PRIM2: variants seen among roughly 807,000 people sequenced by gnomAD.
PRIM2 encodes the protein DNA primase large subunit.
PRIM2 carries 39 observed loss-of-function variants against 67.3 expected under a neutral mutation model. The observed-to-expected ratio is 0.58, with a 90% confidence interval of 0.45 to 0.76. The LOEUF is 0.76. Ranked by LOEUF, PRIM2 falls within the 30% of genes least tolerant of loss-of-function variation. The probability of loss-of-function intolerance (pLI) is 0.00; values close to 1 mark genes in which losing one functional copy is unlikely to be tolerated. For synonymous variants in PRIM2, 143 were observed against 198.7 expected (o/e 0.72, Z 2.36); for missense variants, 398 against 598.7 (o/e 0.66, Z 3.50).
At position 57,646,031 on chromosome 6, in the gene PRIM2, C is replaced by A; in HGVS notation, c.1403C>A (p.Pro468Gln). Residue 468 changes from proline to glutamine, a missense_variant, in exon 14 of 14, where the codon CCA (proline) becomes CAA (glutamine). By Grantham distance (76) the Pro-to-Gln change is moderately conservative. Coordinates refer to ENST00000615550, the MANE Select transcript of PRIM2 (RefSeq NM_000947.5). ...GACATAAAGAAGGAACCTATCCAAC[C>A]AGAAACTCCTCAACCCAAACCAAGT... Reference protein sequence around the residue: ...GKDIKKEPIQPETPQPKPSVQ... With the variant: ...GKDIKKEPIQQETPQPKPSVQ... 6.2e-7 allele frequency: 1 copy of A among 1,603,844 alleles called. No individual in the cohort carries two copies. The highest frequency in any genetic ancestry group is 2.2e-5 in the East Asian group (1 of 44,812).
At chr6:57,541,305 T>C (rs1355359267) in intron 10 of PRIM2, among the ~76,000 whole-genome samples, 1 of 152,150 alleles carries the variant, frequency 6.6e-6, no homozygotes, top group East Asian at 1.9e-4. Flanking sequence ...GCTAGGCTGG[T>C]CTTGAACTCC....
chr6:57,352,316 C>T (rs1224508176), intron 5 of PRIM2, among the ~76,000 whole-genome samples: 1 of 152,030 alleles, frequency 6.6e-6, no homozygotes, highest in Non-Finnish European at 1.5e-5. Flanking sequence ...TCTCGGCTCA[C>T]GGCATCCTCC....
At chr6:57,491,614 A>G (rs1237849074) in intron 7 of PRIM2, among the ~76,000 whole-genome samples, 17 of 152,182 alleles carry the variant, frequency 1.1e-4, no homozygotes, top group African/African-American at 4.1e-4. Context: ...GAAATAGATG[A>G]TTTTCTAACA....
chr6:57,628,439 A>G (rs1776989807), intron 12 of PRIM2, among the ~76,000 whole-genome samples: 1 of 152,238 alleles, frequency 6.6e-6, no homozygotes, highest in African/African-American at 2.4e-5. Flanking sequence ...ACTCTTGCCT[A>G]ACAACATCTT....
chr6:57,597,506 CTAATA>C (rs1444767188), intron 10 of PRIM2, among the ~76,000 whole-genome samples: 1 of 151,740 alleles, frequency 6.6e-6, no homozygotes, highest in African/African-American at 2.4e-5. Flanking sequence ...CCAATAGCAG[CTAATA>C]TTTATTGAGA....
intron 8 of PRIM2, among the ~76,000 whole-genome samples, chr6:57,509,073 A>G (rs1774306689): frequency 6.6e-6 from 1 of 151,440 alleles, no homozygotes; most frequent in Non-Finnish European, 1.5e-5. Context: ...TTTCTTTCTT[A>G]GTATTTCTTT....
chr6:57,633,092 CG>C (rs1777061865), intron 13 of PRIM2, among the ~76,000 whole-genome samples: 1 of 152,186 alleles, frequency 6.6e-6, no homozygotes, highest in Non-Finnish European at 1.5e-5. Context: ...CAACAGAGTA[CG>C]GCAGAATTAT....
chr6:57,644,037 A>G (rs1241237944), intron 13 of PRIM2, among the ~76,000 whole-genome samples: 4 of 152,234 alleles, frequency 2.6e-5, no homozygotes, highest in Non-Finnish European at 4.4e-5. Context: ...TTAATCTACT[A>G]AAAGATTATA....
At chr6:57,475,009 A>G (rs1773441632) in intron 7 of PRIM2, among the ~76,000 whole-genome samples, 2 of 152,048 alleles carry the variant, frequency 1.3e-5, no homozygotes, top group Admixed American at 6.6e-5. Context: ...TGCTCTGGGC[A>G]TCGTTTATTT....
chr6:57,270,555 C>T, the PRIM2 span, among the ~76,000 whole-genome samples: 1 of 152,182 alleles, frequency 6.6e-6, no homozygotes, highest in Non-Finnish European at 1.5e-5. Context: ...TCTAGATATA[C>T]AATCATGTCA....
chr6:57,305,802 T>G, the PRIM2 span, among the ~76,000 whole-genome samples: 1 of 152,190 alleles, frequency 6.6e-6, no homozygotes, highest in East Asian at 1.9e-4. Flanking sequence ...TACTAAATTG[T>G]TAGGCACCGA....
the PRIM2 span, among the ~76,000 whole-genome samples, chr6:57,262,123 T>C: frequency 1.3e-5 from 2 of 152,184 alleles, no homozygotes; most frequent in Admixed American, 1.3e-4. Flanking sequence ...GTAGAAAGAA[T>C]ACTGGACTTA....
chr6:57,564,314 A>C (rs1206683030), intron 10 of PRIM2, among the ~76,000 whole-genome samples: 1 of 152,224 alleles, frequency 6.6e-6, no homozygotes, highest in Non-Finnish European at 1.5e-5. Context: ...CCATGGGTTT[A>C]CAGTGTTCTT....
intron 5 of PRIM2, among the ~76,000 whole-genome samples, chr6:57,334,075 C>A (rs1768141761): frequency 6.6e-6 from 1 of 152,178 alleles, no homozygotes; most frequent in African/African-American, 2.4e-5. Flanking sequence ...TCCCTAACCA[C>A]CCCAGCTACT....
At chr6:57,619,051 C>T (rs1246719451) in intron 12 of PRIM2, among the ~76,000 whole-genome samples, 9 of 152,294 alleles carry the variant, frequency 5.9e-5, no homozygotes, top group East Asian at 5.8e-4. Context: ...ATGGAACAGG[C>T]GCTGGTATCC....
chr6:57,345,005 G>A (rs1295679348), intron 5 of PRIM2, among the ~76,000 whole-genome samples: 2 of 150,438 alleles, frequency 1.3e-5, no homozygotes, highest in Admixed American at 6.6e-5. Flanking sequence ...TATAGCTTTT[G>A]AATATAGGAC....
the PRIM2 span, among the ~76,000 whole-genome samples, chr6:57,283,073 C>T: frequency 6.6e-6 from 1 of 152,116 alleles, no homozygotes. Flanking sequence ...CTCTAGTCCT[C>T]CTCAGTTTTG....
At chr6:57,482,139 G>A (rs1362912684) in intron 7 of PRIM2, among the ~76,000 whole-genome samples, 1 of 147,502 alleles carries the variant, frequency 6.8e-6, no homozygotes, top group Non-Finnish European at 1.5e-5. Flanking sequence ...TCAAGATATT[G>A]TTGACAAAAA....
At chr6:57,637,356 A>G (rs1395523675) in intron 13 of PRIM2, among the ~76,000 whole-genome samples, 1 of 152,182 alleles carries the variant, frequency 6.6e-6, no homozygotes, top group Non-Finnish European at 1.5e-5. Context: ...TTCTCCTCCA[A>G]AGGATCACAA....
Sources: gnomAD v4.1 joint callset for allele counts (sites outside exome capture counted in the v4.1 genomes callset) on GRCh38, gnomAD v4.1.1 for gene constraint, MANE v1.5 for transcripts, NCBI Gene and HGNC (gene_info 2026-07-23, HGNC 2026-07-21) for gene names.